Variants in ZNF407 observed in about 807,000 individuals in gnomAD.
ZNF407 encodes zinc finger protein 407.
A neutral mutation model predicts 131.2 loss-of-function variants in ZNF407; 17 were observed. That is an observed-to-expected ratio of 0.13 (90% CI 0.09 to 0.19). ZNF407 has a LOEUF of 0.19. ZNF407 is among the 10% of genes least tolerant of loss of function. The probability of loss-of-function intolerance (pLI) is 1.00; values close to 1 mark genes in which losing one functional copy is unlikely to be tolerated. For synonymous variants in ZNF407, 1,156 were observed against 1,062.0 expected (o/e 1.09, Z -1.72); for missense variants, 2,681 against 2,830.6 (o/e 0.95, Z 1.20).
At chr18:75,022,253 TTGA>T (rs1247235020) in intron 8 of ZNF407, among the ~76,000 whole-genome samples, 2 of 152,188 alleles carry the variant, frequency 1.3e-5, no homozygotes, top group African/African-American at 4.8e-5. Context: ...GGACATTAAC[TTGA>T]TGATGTGAAT....
chr18:74,775,103 A>G (rs1019275042), intron 3 of ZNF407, among the ~76,000 whole-genome samples: 2 of 152,242 alleles, frequency 1.3e-5, no homozygotes, highest in African/African-American at 2.4e-5. Flanking sequence ...AGATAAAAGG[A>G]TAAACCTTCA....
intron 8 of ZNF407, among the ~76,000 whole-genome samples, chr18:74,934,682 T>C (rs1972019982): frequency 6.6e-6 from 1 of 152,196 alleles, no homozygotes; most frequent in Admixed American, 6.5e-5. Context: ...GGCGCGTGCC[T>C]GTAATACCAG....
chr18:74,768,949 C>G (rs1007289661), intron 3 of ZNF407, among the ~76,000 whole-genome samples: 21 of 152,120 alleles, frequency 1.4e-4, no homozygotes, highest in African/African-American at 4.3e-4. Flanking sequence ...TGTGTTCTGT[C>G]TGCCATCCTT....
chr18:74,645,694 G>A (rs1445178721), intron 3 of ZNF407, among the ~76,000 whole-genome samples: 1 of 150,230 alleles, frequency 6.7e-6, no homozygotes, highest in Non-Finnish European at 1.5e-5. Context: ...TAGTTTTTGT[G>A]CATTAGAAGG....
intron 8 of ZNF407, among the ~76,000 whole-genome samples, chr18:74,995,414 A>G (rs1972769030): frequency 6.6e-6 from 1 of 152,162 alleles, no homozygotes; most frequent in South Asian, 2.1e-4. Context: ...ACTGGGTTGC[A>G]GTGTGGGTGG....
At chr18:74,640,727 A>C (rs759036980) in intron 2 of ZNF407, among the ~76,000 whole-genome samples, 2 of 152,196 alleles carry the variant, frequency 1.3e-5, no homozygotes, top group Non-Finnish European at 2.9e-5. Flanking sequence ...AAAATTATGT[A>C]GCTCATCTCA....
intron 4 of ZNF407, among the ~76,000 whole-genome samples, chr18:74,806,218 G>A (rs187583867): frequency 6.6e-5 from 10 of 152,302 alleles, no homozygotes; most frequent in Admixed American, 2.6e-4. Flanking sequence ...GCTAGGCCGC[G>A]CCCCTTACTT....
intron 8 of ZNF407, among the ~76,000 whole-genome samples, chr18:75,021,156 CA>C (rs1185876484): frequency 6.6e-6 from 1 of 151,790 alleles, no homozygotes; most frequent in Non-Finnish European, 1.5e-5. Flanking sequence ...TAAAAAGGTA[CA>C]AAAAAGCAAC....
chr18:74,846,386 C>G (rs1204452452), intron 4 of ZNF407, among the ~76,000 whole-genome samples: 1 of 151,716 alleles, frequency 6.6e-6, no homozygotes, highest in Non-Finnish European at 1.5e-5. Flanking sequence ...GTCACCCAGG[C>G]TGGAGTGCAT....
intron 8 of ZNF407, among the ~76,000 whole-genome samples, chr18:74,954,559 A>G (rs1468673296): frequency 2.0e-5 from 3 of 152,242 alleles, no homozygotes; most frequent in Admixed American, 2.0e-4. Flanking sequence ...TTAATGTTTT[A>G]GTTAATGAAA....
chr18:74,815,785 C>T (rs1187476526), intron 4 of ZNF407, among the ~76,000 whole-genome samples: 1 of 152,136 alleles, frequency 6.6e-6, no homozygotes, highest in East Asian at 1.9e-4. Context: ...ATTTCAGCAC[C>T]TCCCTATGAC....
At chr18:74,986,987 G>T (rs1434563229) in intron 8 of ZNF407, among the ~76,000 whole-genome samples, 1 of 151,684 alleles carries the variant, frequency 6.6e-6, no homozygotes, top group South Asian at 2.1e-4. Context: ...AAAATATTAG[G>T]ACTAGTATCC....
chr18:74,815,420 G>T (rs1349299003), intron 4 of ZNF407, among the ~76,000 whole-genome samples: 1 of 152,122 alleles, frequency 6.6e-6, no homozygotes, highest in African/African-American at 2.4e-5. Context: ...AGGGGCAGTG[G>T]TGTGCACTTT....
intron 4 of ZNF407, among the ~76,000 whole-genome samples, chr18:74,781,954 C>T (rs1387900518): frequency 6.6e-6 from 1 of 152,148 alleles, no homozygotes; most frequent in African/African-American, 2.4e-5. Flanking sequence ...AATAATACTA[C>T]AGTTGCCATG....
At chr18:75,043,001 A>G (rs1214432252) in intron 8 of ZNF407, among the ~76,000 whole-genome samples, 1 of 152,174 alleles carries the variant, frequency 6.6e-6, no homozygotes, top group Non-Finnish European at 1.5e-5. Flanking sequence ...CCCTACTGTC[A>G]ATGTTTGGCA....
chr18:74,678,456 A>T (rs946685383), intron 3 of ZNF407, among the ~76,000 whole-genome samples: 6 of 151,952 alleles, frequency 3.9e-5, no homozygotes, highest in African/African-American at 1.5e-4. Flanking sequence ...TTTTCTGCGC[A>T]CCTAGGCCCT....
intron 4 of ZNF407, among the ~76,000 whole-genome samples, chr18:74,867,542 A>G (rs1436644624): frequency 6.6e-6 from 1 of 152,200 alleles, no homozygotes; most frequent in Non-Finnish European, 1.5e-5. Flanking sequence ...AAGGCCAGAC[A>G]CTTACTAGCT....
At chr18:74,733,695 T>C (rs897505246) in intron 3 of ZNF407, among the ~76,000 whole-genome samples, 2 of 152,214 alleles carry the variant, frequency 1.3e-5, no homozygotes, top group African/African-American at 4.8e-5. Context: ...TCTACAATCA[T>C]GTTAATCCTC....
At chr18:75,026,900 G>A (rs962408885) in intron 8 of ZNF407, among the ~76,000 whole-genome samples, 2 of 152,166 alleles carry the variant, frequency 1.3e-5, no homozygotes, top group African/African-American at 2.4e-5. Flanking sequence ...AGCATCAGCT[G>A]GGTGTCAGTC....
Sources: gnomAD v4.1 joint callset for allele counts (sites outside exome capture counted in the v4.1 genomes callset) on GRCh38, gnomAD v4.1.1 for gene constraint, MANE v1.5 for transcripts, NCBI Gene and HGNC (gene_info 2026-07-23, HGNC 2026-07-21) for gene names.